ELP4: variants seen among roughly 807,000 people sequenced by gnomAD.
The protein encoded by ELP4 is elongator acetyltransferase complex subunit 4.
ELP4 carries 51 observed loss-of-function variants against 48.9 expected under a neutral mutation model. That is an observed-to-expected ratio of 1.04 (90% CI 0.83 to 1.32). The LOEUF (loss-of-function observed/expected upper bound fraction) is 1.32, where lower values mean the gene tolerates loss of function less well. Ranked by LOEUF, ELP4 falls within the 40% of genes most tolerant of loss-of-function variation. The pLI, the probability that ELP4 is intolerant of heterozygous loss-of-function variation, is 0.00. For missense variants in ELP4, 519 were observed against 514.6 expected (o/e 1.01, Z -0.08); for synonymous variants, 210 against 189.2 (o/e 1.11, Z -0.90).
intron 9 of ELP4, chr11:31,651,499 AT>A (rs1443902061): frequency 6.6e-6 from 1 of 151,728 alleles, no homozygotes. Context: ...TCTTGAGCTA[AT>A]TTGCTTTAGT....
chr11:31,643,600 G>T (rs1565093119), intron 7 of ELP4, among the ~76,000 whole-genome samples: 1 of 151,786 alleles, frequency 6.6e-6, no homozygotes, highest in Non-Finnish European at 1.5e-5. Flanking sequence ...TTAGAAAATT[G>T]TAGGAGCTTT....
chr11:31,717,259 C>T (rs977631516), intron 9 of ELP4, among the ~76,000 whole-genome samples: 2 of 152,140 alleles, frequency 1.3e-5, no homozygotes, highest in African/African-American at 2.4e-5. Flanking sequence ...TGAAACGTAG[C>T]ATTTTCTTAG....
chr11:31,693,909 T>A (rs936366438), intron 9 of ELP4, among the ~76,000 whole-genome samples: 6 of 152,192 alleles, frequency 3.9e-5, no homozygotes, highest in Non-Finnish European at 7.3e-5. Flanking sequence ...TCTTTGATGG[T>A]CAGTGATGAT....
chr11:31,728,054 A>G (rs1397124015), intron 9 of ELP4, among the ~76,000 whole-genome samples: 1 of 152,182 alleles, frequency 6.6e-6, no homozygotes, highest in Non-Finnish European at 1.5e-5. Context: ...TACTTCCCAA[A>G]AAAAGCATAT....
rs185058471 is a variant in ELP4, at chr11:31,751,232, G to A, written c.1144-32161G>A. On this transcript the variant is annotated intron_variant, in intron 9 of 9. Transcript: ENST00000640961. ...CCAATTTGTAAAGCTGACTATGGCCGTATCCAAGAACAAAGCCTAAAGTTC... is the reference window on the plus strand; with the variant it reads ...CCAATTTGTAAAGCTGACTATGGCCATATCCAAGAACAAAGCCTAAAGTTC... 8.2e-4 allele frequency among the ~76,000 whole-genome samples: 125 copies of A among 152,320 alleles called. 2 individuals carry two copies. In the East Asian group the frequency reaches 0.016, roughly 19 times the overall value.
intron 9 of ELP4, among the ~76,000 whole-genome samples, chr11:31,761,739 A>G (rs1249877224): frequency 1.3e-5 from 2 of 152,226 alleles, no homozygotes; most frequent in African/African-American, 4.8e-5. Flanking sequence ...TTAGTAAATA[A>G]GGACAGTTGG....
chr11:31,632,891 G>A (rs1944893595), intron 7 of ELP4: 1 of 151,710 alleles, frequency 6.6e-6, no homozygotes, highest in African/African-American at 2.4e-5. Context: ...ACAGCTTTTA[G>A]TTTCTTTAAT....
chr11:31,609,993 C>T (rs1197603626), intron 5 of ELP4, among the ~76,000 whole-genome samples: 1 of 152,074 alleles, frequency 6.6e-6, no homozygotes, highest in Non-Finnish European at 1.5e-5. Context: ...CTTGAGTGAG[C>T]TGTAATCATG....
At chr11:31,659,863 G>A (rs1383227366) in intron 9 of ELP4, among the ~76,000 whole-genome samples, 2 of 151,904 alleles carry the variant, frequency 1.3e-5, no homozygotes, top group East Asian at 1.9e-4. Context: ...GTGGTGGCAG[G>A]CACCTGTAAT....
chr11:31,599,221 C>T (rs370017052), intron 4 of ELP4: 4 of 152,186 alleles, frequency 2.6e-5, no homozygotes, highest in African/African-American at 9.6e-5. Context: ...TTAATCAATA[C>T]AGACAAAATG....
At chr11:31,773,971 G>T (rs1034842254) in intron 9 of ELP4, among the ~76,000 whole-genome samples, 1 of 152,120 alleles carries the variant, frequency 6.6e-6, no homozygotes, top group Non-Finnish European at 1.5e-5. Flanking sequence ...CTGAGCCCAG[G>T]AATTCAAGGC....
intron 9 of ELP4, among the ~76,000 whole-genome samples, chr11:31,671,236 T>C (rs956447104): frequency 6.6e-6 from 1 of 152,190 alleles, no homozygotes; most frequent in African/African-American, 2.4e-5. Flanking sequence ...AACTATCCAC[T>C]TAGAAGTTTT....
At chr11:31,558,153 T>C (rs1956958925) in intron 3 of ELP4, among the ~76,000 whole-genome samples, 2 of 151,976 alleles carry the variant, frequency 1.3e-5, no homozygotes, top group South Asian at 4.1e-4. Context: ...TTTTTTTTTT[T>C]CTTCCTGGCT....
chr11:31,732,925 A>T (rs1947224826), intron 9 of ELP4, among the ~76,000 whole-genome samples: 3 of 152,206 alleles, frequency 2.0e-5, no homozygotes, highest in Admixed American at 2.0e-4. Context: ...GATGAAGCAA[A>T]CAGTGACAGA....
At chr11:31,766,583 A>C (rs1327376330) in intron 9 of ELP4, among the ~76,000 whole-genome samples, 1 of 152,106 alleles carries the variant, frequency 6.6e-6, no homozygotes, top group African/African-American at 2.4e-5. Context: ...TGAAATATTA[A>C]TATTTAGTTA....
chr11:31,700,905 T>C (rs900801068), intron 9 of ELP4, among the ~76,000 whole-genome samples: 1 of 152,072 alleles, frequency 6.6e-6, no homozygotes, highest in Non-Finnish European at 1.5e-5. Context: ...TCATATATAG[T>C]ATAAATGTGA....
chr11:31,623,639 A>T (rs1385958157), intron 5 of ELP4, among the ~76,000 whole-genome samples: 1 of 150,700 alleles, frequency 6.6e-6, no homozygotes, highest in African/African-American at 2.4e-5. Context: ...AGCATTGTTG[A>T]TGATTGACTT....
intron 5 of ELP4, among the ~76,000 whole-genome samples, chr11:31,609,273 G>A (rs536244913): frequency 5.9e-5 from 9 of 152,230 alleles, no homozygotes; most frequent in South Asian, 2.1e-4. Context: ...GCACGATCTC[G>A]TTGGGCTTTA....
At chr11:31,642,459 T>A (rs576268344) in intron 7 of ELP4, among the ~76,000 whole-genome samples, 1 of 151,920 alleles carries the variant, frequency 6.6e-6, no homozygotes, top group Non-Finnish European at 1.5e-5. Context: ...ATTTGATATC[T>A]TAGCAGTTTT....
Sources: gnomAD v4.1 joint callset for allele counts (sites outside exome capture counted in the v4.1 genomes callset) on GRCh38, gnomAD v4.1.1 for gene constraint, MANE v1.5 for transcripts, NCBI Gene and HGNC (gene_info 2026-07-23, HGNC 2026-07-21) for gene names.